Variants in LRRC9 observed in about 807,000 individuals in gnomAD.
LRRC9 encodes the protein leucine rich repeat containing 9.
A neutral mutation model predicts 63.2 loss-of-function variants in LRRC9; 122 were observed. The ratio of observed to expected loss-of-function variants is 1.93; its 90% CI spans 1.67 to 2.24. LRRC9 has a LOEUF of 2.24. Ranked by LOEUF, LRRC9 falls within the 30% of genes most tolerant of loss-of-function variation. The pLI is 0.00. For synonymous variants in LRRC9, 366 were observed against 213.1 expected (o/e 1.72, Z -6.25); for missense variants, 1,071 against 627.7 (o/e 1.71, Z -7.55).
rs961650117 is a variant in LRRC9, at chr14:59,938,741, T to C, written c.726+169T>C. 4.0e-5 allele frequency among the ~76,000 whole-genome samples: 6 copies of C among 151,526 alleles called. No individual in the cohort carries two copies. Among genetic ancestry groups the C allele is most frequent in the African/African-American group, 1.5e-4 (6 of 41,320 alleles). The stretch of plus-strand genomic sequence containing the variant: ...ACACATAAAAGTATATAAATAATAA[T>C]ATTAATACTAGAATCTTAATTTTGA... On this transcript the variant is annotated intron_variant, in intron 7 of 31. Coordinates refer to ENST00000445360, the Ensembl canonical transcript of LRRC9. The surrounding 1 kb of genome is among the most constrained non-coding windows in gnomAD (Gnocchi z 4.2).
chr14:59,983,146 T>C (rs919888459), intron 16 of LRRC9, among the ~76,000 whole-genome samples: 1 of 152,192 alleles, frequency 6.6e-6, no homozygotes, highest in Non-Finnish European at 1.5e-5. Flanking sequence ...AACCAGACTC[T>C]CTGTACTCTA....
intron 29 of LRRC9, among the ~76,000 whole-genome samples, chr14:60,035,314 T>C (rs1448833451): frequency 1.3e-5 from 2 of 152,166 alleles, no homozygotes; most frequent in Non-Finnish European, 2.9e-5. Context: ...CTTTACTTTG[T>C]TGATTATTTA....
chr14:60,062,641 TC>T (rs1894725656), intron 31 of LRRC9, among the ~76,000 whole-genome samples: 2 of 152,224 alleles, frequency 1.3e-5, no homozygotes. Flanking sequence ...TGCCTCCTTC[TC>T]CAGTCTGAAT....
chr14:59,981,915 A>C lies in LRRC9; in HGVS notation c.1946A>C (p.Glu649Ala), dbSNP rs765352697. The C allele has an allele frequency of 9.1e-5, 64 of 702,466 alleles. 2 individuals carry two copies. The highest frequency in any genetic ancestry group is 8.1e-4 in the South Asian group (55 of 67,534). The allele number at this position is 702,466 out of a possible 1,614,324, so 43.5% of individuals were successfully genotyped here. A position where few individuals can be genotyped will look rare whatever the true frequency, so the allele number is the denominator to read the frequency against. ...CTAGAAGAAAGCAAAAAAAACCCAG[A>C]AGTATCAGTATTTTCCAAGGATTTG... Residue 649 changes from glutamate to alanine, a missense_variant, in exon 16 of 32, where the codon GAA becomes GCA. Coordinates refer to ENST00000445360, the Ensembl canonical transcript of LRRC9.
chr14:59,921,189 A>T (rs1238806317), intron 1 of LRRC9, among the ~76,000 whole-genome samples: 1 of 152,160 alleles, frequency 6.6e-6, no homozygotes, highest in Non-Finnish European at 1.5e-5. Flanking sequence ...AGAAACATCC[A>T]TTCAGTTCCA....
exon 23 of LRRC9, chr14:60,008,106 G>C (rs1047025780): frequency 1.4e-6 from 1 of 694,900 alleles, no homozygotes; most frequent in African/African-American, 1.8e-5. Flanking sequence ...TATGCAACTT[G>C]GTCATTCTAG....
chr14:60,026,113 GT>G (rs1398218338), intron 27 of LRRC9, among the ~76,000 whole-genome samples: 2 of 152,020 alleles, frequency 1.3e-5, no homozygotes, highest in Non-Finnish European at 2.9e-5. Context: ...TGGACCACAA[GT>G]CAGGACTAGA....
At chr14:59,948,009 A>T (rs1247770417) in intron 8 of LRRC9, among the ~76,000 whole-genome samples, 2 of 150,188 alleles carry the variant, frequency 1.3e-5, no homozygotes, top group Non-Finnish European at 3.0e-5. Flanking sequence ...TTGGTTCCAT[A>T]TGAACTTTAA....
chr14:59,966,668 G>T lies in LRRC9; in HGVS notation c.1291G>T (p.Val431Leu). 1 of 698,146 alleles carries T rather than the reference G, an allele frequency of 1.4e-6. No homozygotes were observed. 43.2% of individuals were successfully genotyped at this position (698,146 alleles called of 1,614,324 possible). A position where few individuals can be genotyped will look rare whatever the true frequency, so the allele number is the denominator to read the frequency against. The change falls in exon 11 of 32, where the codon GTA (valine) becomes TTA (leucine). Residue 431 changes from valine (V) to leucine (L), a missense_variant. Transcript: ENST00000445360. The surrounding 1 kb of genome is among the most constrained non-coding windows in gnomAD (Gnocchi z 4.0). ...AACATACGGTATTACAGGAGTAAAA[G>T]TAAAACGCATCATTAAAGTTAACAA...
chr14:59,989,140 G>C (rs903777263), intron 17 of LRRC9, among the ~76,000 whole-genome samples: 2 of 151,542 alleles, frequency 1.3e-5, no homozygotes, highest in Non-Finnish European at 3.0e-5. Flanking sequence ...GGTTGTTCTG[G>C]GTTGTTTTTT....
intron 30 of LRRC9, among the ~76,000 whole-genome samples, chr14:60,054,394 C>A (rs1894120370): frequency 6.6e-6 from 1 of 152,132 alleles, no homozygotes; most frequent in Non-Finnish European, 1.5e-5. Context: ...GGCACTCTCT[C>A]TCTCCCCACC....
chr14:60,036,560 C>T (rs948975841), intron 29 of LRRC9, among the ~76,000 whole-genome samples: 2 of 152,144 alleles, frequency 1.3e-5, no homozygotes, highest in South Asian at 4.1e-4. Flanking sequence ...CATCTGGTGA[C>T]ATCTTATGAA....
chr14:60,008,027 G>A (rs567648520), intron 22 of LRRC9, 65 bp from the exon 23 acceptor site: 201 of 502,002 alleles, frequency 4.0e-4, no homozygotes, highest in Admixed American at 7.6e-4. Context: ...ATTTGAGGAT[G>A]GCTAACCTCT....
At chr14:59,996,292 T>C (rs1888783063) in intron 17 of LRRC9, among the ~76,000 whole-genome samples, 1 of 152,222 alleles carries the variant, frequency 6.6e-6, no homozygotes, top group African/African-American at 2.4e-5. Flanking sequence ...AGTTTTTGTT[T>C]TGTTTTGCTA....
intron 23 of LRRC9, among the ~76,000 whole-genome samples, chr14:60,011,987 TA>T (rs1186532565): frequency 6.6e-6 from 1 of 152,140 alleles, no homozygotes; most frequent in Non-Finnish European, 1.5e-5. Context: ...TGAAGAGAGT[TA>T]ACAGTTAAGA....
At chr14:60,052,027 A>T (rs1893934054) in intron 29 of LRRC9, among the ~76,000 whole-genome samples, 1 of 152,138 alleles carries the variant, frequency 6.6e-6, no homozygotes, top group Non-Finnish European at 1.5e-5. Flanking sequence ...TCCCAATGTG[A>T]GAACCTGGAT....
intron 1 of LRRC9, among the ~76,000 whole-genome samples, chr14:59,925,038 CT>C (rs1889094534): frequency 6.6e-6 from 1 of 151,890 alleles, no homozygotes. Flanking sequence ...AGGTCCTGAT[CT>C]TCTTTTTCCT....
chr14:60,030,675 C>T (rs1272020437), intron 28 of LRRC9, among the ~76,000 whole-genome samples: 1 of 152,018 alleles, frequency 6.6e-6, no homozygotes, highest in Admixed American at 6.6e-5. Context: ...ACAGTTGGCT[C>T]TCCAAGAGGA....
At chr14:59,976,185 A>C (rs1886266232) in intron 13 of LRRC9, among the ~76,000 whole-genome samples, 1 of 152,240 alleles carries the variant, frequency 6.6e-6, no homozygotes, top group Non-Finnish European at 1.5e-5. Context: ...GCTCCCACTG[A>C]TTCTACATTA....
Sources: gnomAD v4.1 joint callset for allele counts (sites outside exome capture counted in the v4.1 genomes callset) on GRCh38, gnomAD v4.1.1 for gene constraint, Gnocchi (gnomAD v3.1) non-coding constraint, MANE v1.5 for transcripts, NCBI Gene and HGNC (gene_info 2026-07-23, HGNC 2026-07-21) for gene names.